The following NLGN4X variants were observed in gnomAD, a reference collection of about 807,000 sequenced individuals.
NLGN4X encodes the protein neuroligin-4, X-linked.
NLGN4X carries 3 observed loss-of-function variants against 40.3 expected under a neutral mutation model. That is an observed-to-expected ratio of 0.07 (90% CI 0.03 to 0.19). The LOEUF is 0.19. NLGN4X is among the 10% of genes least tolerant of loss of function. The probability of loss-of-function intolerance (pLI) is 1.00; values close to 1 mark genes in which losing one functional copy is unlikely to be tolerated. For missense variants in NLGN4X, 382 were observed against 708.3 expected (o/e 0.54, Z 5.23); for synonymous variants, 270 against 306.8 (o/e 0.88, Z 1.25).
Position 5,903,873 on chromosome X carries a change from G to A in NLGN4X, c.812-7C>T, listed in dbSNP as rs370074214. The A allele has an allele frequency of 7.4e-6, 9 of 1,210,062 alleles. No individual in the cohort carries two copies. The highest frequency in any genetic ancestry group is 1.0e-5 in the Non-Finnish European group (9 of 895,213). On this transcript the variant is annotated splice_region_variant and splice_polypyrimidine_tract_variant and intron_variant, in intron 4 of 5. Transcript: ENST00000381095. ...ATGGCCTTCTGGAAGAGACCTGCAG[G>A]TGCAAAATTGTGGACATGCAAATGA... is the stretch of plus-strand genomic sequence containing the variant.
chrX:5,989,086 A>AAT (rs1569171817), intron 3 of NLGN4X, among the ~76,000 whole-genome samples: 1,899 of 85,294 alleles, frequency 0.022, 21 homozygotes, highest in Middle Eastern at 0.038. Flanking sequence ...AAAAAAAATA[A>AAT]AAAAAATAAA....
intron 2 of NLGN4X, among the ~76,000 whole-genome samples, chrX:6,119,411 G>C (rs1339297020): frequency 8.9e-6 from 1 of 112,108 alleles, no homozygotes; most frequent in African/African-American, 3.2e-5. Flanking sequence ...TTTTGAGTAT[G>C]TGATCCCAAA....
intron 2 of NLGN4X, among the ~76,000 whole-genome samples, chrX:6,051,125 C>T (rs2037481325): frequency 9.0e-6 from 1 of 111,712 alleles, no homozygotes. Flanking sequence ...ATATAACACC[C>T]CACATCCTTA....
intron 1 of NLGN4X, among the ~76,000 whole-genome samples, chrX:6,173,620 T>C (rs1372987557): frequency 8.9e-6 from 1 of 112,609 alleles, no homozygotes; most frequent in African/African-American, 3.2e-5. Context: ...AAGAAGAATC[T>C]AGGCAGACAG....
At chrX:6,177,278 C>T (rs1920971452) in intron 1 of NLGN4X, among the ~76,000 whole-genome samples, 1 of 111,603 alleles carries the variant, frequency 9.0e-6, no homozygotes, top group Non-Finnish European at 1.9e-5. Flanking sequence ...CCTGCCTCAG[C>T]CTCCTGAGTA....
intron 3 of NLGN4X, among the ~76,000 whole-genome samples, chrX:5,968,435 A>ACC (rs1491454460): frequency 3.7e-4 from 5 of 13,632 alleles, no homozygotes; most frequent in African/African-American, 1.2e-3. Flanking sequence ...GATTGTAAGT[A>ACC]CCCCTCTCTC....
At chrX:6,141,831 T>C (rs1205484745) in intron 2 of NLGN4X, among the ~76,000 whole-genome samples, 1 of 109,637 alleles carries the variant, frequency 9.1e-6, no homozygotes, top group Non-Finnish European at 1.9e-5. Context: ...ATAAAAAAAA[T>C]AAAATTAAAA....
chrX:6,157,449 C>G (rs1569271689), intron 1 of NLGN4X, among the ~76,000 whole-genome samples: 1 of 111,993 alleles, frequency 8.9e-6, no homozygotes, highest in Non-Finnish European at 1.9e-5. Flanking sequence ...ACTATGTGGA[C>G]AGAAAGATCC....
intron 2 of NLGN4X, among the ~76,000 whole-genome samples, chrX:6,042,730 T>TATATATATACACACAC (rs1215396694): frequency 1.0e-3 from 21 of 20,166 alleles, no homozygotes; most frequent in East Asian, 3.6e-3. Context: ...TATATATATA[T>TATATATATACACACAC]ACACACACAC....
chrX:6,061,369 C>G (rs1431573372), intron 2 of NLGN4X, among the ~76,000 whole-genome samples: 1 of 110,056 alleles, frequency 9.1e-6, no homozygotes, highest in African/African-American at 3.3e-5. Flanking sequence ...AACCCTACAG[C>G]ACACAGAAAT....
At chrX:5,965,452 G>A (rs1446508915) in intron 3 of NLGN4X, among the ~76,000 whole-genome samples, 1 of 112,070 alleles carries the variant, frequency 8.9e-6, no homozygotes, top group Non-Finnish European at 1.9e-5. Flanking sequence ...ACATCTTCGA[G>A]GCACTCTATA....
Position 5,892,666 on chromosome X carries a change from G to A in NLGN4X, c.*151C>T. On this transcript the variant is annotated 3_prime_UTR_variant, in exon 6 of 6. Transcript: ENST00000381095. ...AAGGGTCTGCCGGGATGGGATGACTGCCTTTTTGCATTTTTGTCTTAAGTC... is the reference window on the plus strand; with the variant it reads ...AAGGGTCTGCCGGGATGGGATGACTACCTTTTTGCATTTTTGTCTTAAGTC... 1.3e-6 allele frequency: 1 copy of A among 776,517 alleles called. No individual in the cohort carries two copies. The highest frequency in any genetic ancestry group is 1.9e-6 in the Non-Finnish European group (1 of 536,311). 64.0% of individuals were successfully genotyped at this position (776,517 alleles called of 1,213,427 possible).
chrX:5,952,207 C>T (rs768506223), intron 3 of NLGN4X, among the ~76,000 whole-genome samples: 2 of 111,391 alleles, frequency 1.8e-5, no homozygotes, highest in East Asian at 2.8e-4. Context: ...GAGATGTGAT[C>T]GGTGAGGACT....
intron 2 of NLGN4X, among the ~76,000 whole-genome samples, chrX:6,042,544 G>C (rs1427100476): frequency 1.9e-5 from 2 of 104,366 alleles, no homozygotes; most frequent in Non-Finnish European, 3.9e-5. Context: ...TTAAAAATAG[G>C]TACTAAATAA....
At chrX:5,990,552 C>T (rs2035653982) in intron 3 of NLGN4X, among the ~76,000 whole-genome samples, 1 of 111,923 alleles carries the variant, frequency 8.9e-6, no homozygotes, top group Admixed American at 9.5e-5. Context: ...TATATAACAA[C>T]AATACAAGAA....
chrX:6,074,549 T>G (rs1224372973), intron 2 of NLGN4X, among the ~76,000 whole-genome samples: 1 of 112,040 alleles, frequency 8.9e-6, no homozygotes, highest in Admixed American at 9.5e-5. Context: ...GAGGTCAGAT[T>G]ATCTTGCAGC....
At chrX:5,955,116 C>T (rs1452637344) in intron 3 of NLGN4X, among the ~76,000 whole-genome samples, 1 of 112,206 alleles carries the variant, frequency 8.9e-6, no homozygotes, top group Non-Finnish European at 1.9e-5. Flanking sequence ...GTAGTCCCTA[C>T]TATTATCATT....
intron 3 of NLGN4X, among the ~76,000 whole-genome samples, chrX:5,915,689 G>A (rs1271757037): frequency 9.0e-6 from 1 of 111,473 alleles, no homozygotes; most frequent in African/African-American, 3.3e-5. Context: ...ACAGGCACAC[G>A]CCACCACACC....
At chrX:5,981,100 G>C (rs2035374439) in intron 3 of NLGN4X, among the ~76,000 whole-genome samples, 1 of 110,890 alleles carries the variant, frequency 9.0e-6, no homozygotes, top group Non-Finnish European at 1.9e-5. Context: ...CAGTGACAGA[G>C]TATAGTTTTC....
Sources: allele counts gnomAD v4.1 joint callset (sites outside exome capture counted in the v4.1 genomes callset), GRCh38; gene constraint gnomAD v4.1.1; transcripts MANE v1.5; gene names NCBI Gene and HGNC (gene_info 2026-07-23, HGNC 2026-07-21).